MED11: variants seen among roughly 807,000 people sequenced by gnomAD.
MED11 encodes the protein mediator of RNA polymerase II transcription subunit 11.
MED11 carries 19 observed loss-of-function variants against 13.9 expected under a neutral mutation model. That is an observed-to-expected ratio of 1.36 (90% CI 0.95 to 2.00). The LOEUF (loss-of-function observed/expected upper bound fraction) is 2.00, where lower values mean the gene tolerates loss of function less well. Ranked by LOEUF, MED11 falls within the 30% of genes most tolerant of loss-of-function variation. The pLI is 0.00. For synonymous variants in MED11, 67 were observed against 62.1 expected (o/e 1.08, Z -0.37); for missense variants, 134 against 150.2 (o/e 0.89, Z 0.56).
chr17:4,733,147 G>A lies in MED11; in HGVS notation c.314G>A (p.Ser105Asn). Residue 105 changes from serine to asparagine, a missense_variant, in exon 3 of 3, where the codon AGT becomes AAT. Transcript: ENST00000293777. ...GTGGACTATGCCCGCCTCAAGCTCA[G>A]TGATGTGGCTCGAACCTGTGAGCAG... ...KRVDYARLKL[S>N]DVARTCEQML... 6.2e-7 allele frequency: 1 copy of A among 1,614,190 alleles called. No homozygotes were observed. The highest frequency in any genetic ancestry group is 8.5e-7 in the Non-Finnish European group (1 of 1,180,022).
chr17:4,732,961 C>T lies in MED11; in HGVS notation c.217-89C>T, dbSNP rs769114164. ...CAGCTACCAGATGGCCTAACAAATT[C>T]AAACTCAGGGAAGAAATGAGACGAG... On this transcript the variant is annotated intron_variant, in intron 2 of 2. Coordinates refer to ENST00000293777, the MANE Select transcript of MED11 (RefSeq NM_001001683.4). The T allele has an allele frequency of 2.0e-6, 3 of 1,484,468 alleles. No individual in the cohort carries two copies. In the African/African-American group the frequency reaches 4.2e-5, roughly 21 times the overall value. 92.0% of individuals were successfully genotyped at this position (1,484,468 alleles called of 1,614,324 possible).
intron 2 of MED11, 70 bp downstream of exon 2, chr17:4,731,976 AG>A: frequency 6.5e-6 from 10 of 1,549,694 alleles, no homozygotes; most frequent in Non-Finnish European, 8.7e-6. Flanking sequence ...TGGGTGATCC[AG>A]GGTGGAGCAT....
At position 4,733,045 on chromosome 17, in the gene MED11, TG is replaced by T; in HGVS notation, c.217-4del. On this transcript the variant is annotated splice_region_variant and splice_polypyrimidine_tract_variant and intron_variant, in intron 2 of 2. Coordinates refer to ENST00000293777, the MANE Select transcript of MED11 (RefSeq NM_001001683.4). ...ATGGTGCTCCATTGATAGTCTGTCT[TG>T]TAGGTGGCCACAGGGCAGCCCCATG... The T allele has an allele frequency of 6.2e-7, 1 of 1,614,086 alleles. No individual in the cohort carries two copies. Among genetic ancestry groups the T allele is most frequent in the Non-Finnish European group, 8.5e-7 (1 of 1,179,978 alleles).
chr17:4,732,641 G>A (rs1916020264), intron 2 of MED11, among the ~76,000 whole-genome samples: 1 of 152,012 alleles, frequency 6.6e-6, no homozygotes, highest in African/African-American at 2.4e-5. Context: ...ACCTCACTGG[G>A]TAACATCACA....
Position 4,733,165 on chromosome 17 carries a change from G to A in MED11, c.332G>A (p.Cys111Tyr). The change falls in exon 3 of 3, where the codon TGT (cysteine) becomes TAT (tyrosine). Residue 111 changes from cysteine (C) to tyrosine (Y), a missense_variant. Transcript: ENST00000293777. ...RLKLSDVARTCEQMLEN is the reference protein window; with the variant it reads ...RLKLSDVARTYEQMLEN The stretch of plus-strand genomic sequence containing the variant: ...AAGCTCAGTGATGTGGCTCGAACCT[G>A]TGAGCAGATGCTGGAGAACTAGGCC... The A allele has an allele frequency of 6.2e-7, 1 of 1,614,184 alleles. No homozygotes were observed. Among genetic ancestry groups the A allele is most frequent in the Non-Finnish European group, 8.5e-7 (1 of 1,180,032 alleles).
At chr17:4,732,558 G>T (rs545376579) in intron 2 of MED11, 1 of 161,364 alleles carries the variant, frequency 6.2e-6, no homozygotes, top group South Asian at 1.7e-4. Flanking sequence ...ACTCCAGCCT[G>T]GGTAACAGAG....
At position 4,733,358 on chromosome 17, in the gene MED11, C is replaced by G; in HGVS notation, c.*171C>G. The G allele has an allele frequency of 5.1e-6, 4 of 786,920 alleles. No homozygotes were observed. The highest frequency in any genetic ancestry group is 5.9e-6 in the Non-Finnish European group (3 of 505,346). 48.7% of individuals were successfully genotyped at this position (786,920 alleles called of 1,614,324 possible). On this transcript the variant is annotated 3_prime_UTR_variant, in exon 3 of 3. Transcript: ENST00000293777. ...GGAAAAACTGAAGCCCGAGCCTGCC[C>G]ACAGCTATGCTTTGGCCTCTCCAGC... is the stretch of plus-strand genomic sequence containing the variant.
chr17:4,732,101 A>C, intron 2 of MED11, 195 bp downstream of exon 2: 1 of 579,094 alleles, frequency 1.7e-6, no homozygotes, highest in Non-Finnish European at 2.9e-6. Flanking sequence ...CAGCCTGGCC[A>C]ACACGGTGAA....
intron 2 of MED11, 102 bp downstream of exon 2, chr17:4,732,008 T>TC: frequency 7.2e-7 from 1 of 1,382,448 alleles, no homozygotes. Flanking sequence ...GGACCAGACC[T>TC]CCCCAGCCGG....
chr17:4,732,096 T>G, intron 2 of MED11, 190 bp downstream of exon 2: 1 of 606,422 alleles, frequency 1.6e-6, no homozygotes, highest in Non-Finnish European at 2.7e-6. Context: ...GAGACCAGCC[T>G]GGCCAACACG....
rs1915986695 is a variant in MED11, at chr17:4,731,775, G to A, written c.86-1G>A. 2 of 1,613,718 alleles carry A rather than the reference G, an allele frequency of 1.2e-6. No homozygotes were observed. The highest frequency in any genetic ancestry group is 1.7e-5 in the Admixed American group (1 of 59,974). On this transcript the variant is annotated splice_acceptor_variant, in intron 1 of 2. Coordinates refer to ENST00000293777, the MANE Select transcript of MED11 (RefSeq NM_001001683.4). LOFTEE classifies it high-confidence loss of function. ...TCCCCGCCCTCTCTCCGCCCTGGCA[G>A]GTACTGTGATCCTAGAATTGTCCAA...
At chr17:4,732,805 A>G (rs1230642543) in intron 2 of MED11, 8 of 533,252 alleles carry the variant, frequency 1.5e-5, no homozygotes, top group Admixed American at 3.4e-5. Flanking sequence ...AGGGACCACT[A>G]CCATTACTAA....
intron 2 of MED11, chr17:4,732,433 A>AAAAAAAAAAAG (rs1567693417): frequency 6.5e-6 from 1 of 153,608 alleles, no homozygotes; most frequent in Non-Finnish European, 1.4e-5. Flanking sequence ...AAAAAAAAAA[A>AAAAAAAAAAAG]GCCGGGCTTG....
In MED11 at chr17:4,731,465, C is replaced by A. The variant is rs768883625; in HGVS notation, c.-25C>A. The stretch of plus-strand genomic sequence containing the variant: ...AGCGTCGCGTTTCTGAGGAGAAACT[C>A]TTGGTGAGAATTCCCAGAGTGATAA... On this transcript the variant is annotated 5_prime_UTR_variant, in exon 1 of 3. Transcript: ENST00000293777. The A allele has an allele frequency of 6.2e-7, 1 of 1,612,578 alleles. No homozygotes were observed. Among genetic ancestry groups the A allele is most frequent in the South Asian group, 1.1e-5 (1 of 90,986 alleles).
chr17:4,731,772 G>A lies in MED11; in HGVS notation c.86-4G>A. 1 of 1,613,666 alleles carries A rather than the reference G, an allele frequency of 6.2e-7. No individual in the cohort carries two copies. The highest frequency in any genetic ancestry group is 8.5e-7 in the Non-Finnish European group (1 of 1,179,750). On this transcript the variant is annotated splice_polypyrimidine_tract_variant and splice_region_variant and intron_variant, in intron 1 of 2. Coordinates refer to ENST00000293777, the MANE Select transcript of MED11 (RefSeq NM_001001683.4). Reference sequence around the variant, plus strand: ...GTGTCCCCGCCCTCTCTCCGCCCTGGCAGGTACTGTGATCCTAGAATTGTC... The same window carrying A: ...GTGTCCCCGCCCTCTCTCCGCCCTGACAGGTACTGTGATCCTAGAATTGTC...
intron 2 of MED11, among the ~76,000 whole-genome samples, chr17:4,732,659 A>G (rs1916021007): frequency 1.3e-5 from 2 of 152,132 alleles, no homozygotes; most frequent in Non-Finnish European, 1.5e-5. Context: ...ACATGTGCCT[A>G]GCAGAAGATG....
Position 4,731,890 on chromosome 17 carries a change from T to C in MED11, c.200T>C (p.Ile67Thr). 1 of 1,613,834 alleles carries C rather than the reference T, an allele frequency of 6.2e-7. No individual in the cohort carries two copies. The change falls in exon 2 of 3, where the codon ATC becomes ACC. Residue 67 changes from isoleucine to threonine, a missense_variant. Transcript: ENST00000293777. Reference protein sequence around the residue: ...QHVEAELSAQIRYLTQVATGQ... With the variant: ...QHVEAELSAQTRYLTQVATGQ... ...GTGGAGGCGGAGCTGTCAGCTCAGA[T>C]CCGCTACCTCACCCAGGTCGGTGTG... is the stretch of plus-strand genomic sequence containing the variant.
intron 2 of MED11, chr17:4,732,822 C>T (rs866887435): frequency 4.3e-5 from 23 of 540,598 alleles, no homozygotes; most frequent in Middle Eastern, 4.8e-4. Flanking sequence ...CTAATTTTTA[C>T]GGTGTGCCAG....
chr17:4,731,828 C>T lies in MED11; in HGVS notation c.138C>T (p.Asp46=), dbSNP rs756337746. 27 of 1,614,008 alleles carry T rather than the reference C, an allele frequency of 1.7e-5. No homozygotes were observed. In the African/African-American group the frequency reaches 2.3e-4, roughly 14 times the overall value. The stretch of plus-strand genomic sequence containing the variant: ...AAAAAACTAACGAGCGGCTCCTAGA[C>T]CGGCAGGCGGCGGCCTTCACCGCTT... ...SKEKTNERLL[D]RQAAAFTASV... Residue 46 remains aspartate (D), a synonymous_variant, in exon 2 of 3, where the codon GAC becomes GAT. Transcript: ENST00000293777.
Sources: gnomAD v4.1 joint callset for allele counts (sites outside exome capture counted in the v4.1 genomes callset) on GRCh38, gnomAD v4.1.1 for gene constraint, MANE v1.5 for transcripts, NCBI Gene and HGNC (gene_info 2026-07-23, HGNC 2026-07-21) for gene names.